NRBP1: variants seen among roughly 807,000 people sequenced by gnomAD.
NRBP1 encodes the protein nuclear receptor-binding protein.
A neutral mutation model predicts 76.0 loss-of-function variants in NRBP1; 10 were observed. The observed-to-expected ratio is 0.13, with a 90% CI of 0.08 to 0.22. NRBP1 has a LOEUF of 0.22. Among genes scored for constraint, NRBP1 ranks in the 10% least tolerant of loss-of-function variants. The probability of loss-of-function intolerance (pLI) is 1.00; values close to 1 mark genes in which losing one functional copy is unlikely to be tolerated. For missense variants in NRBP1, 344 were observed against 646.0 expected (o/e 0.53, Z 5.07); for synonymous variants, 235 against 240.2 (o/e 0.98, Z 0.20).
intron 10 of NRBP1, among the ~76,000 whole-genome samples, 183 bp downstream of exon 10, chr2:27,437,543 A>G (rs1488922396): frequency 3.3e-5 from 5 of 152,222 alleles, no homozygotes; most frequent in African/African-American, 1.2e-4. Flanking sequence ...ACACACAGGT[A>G]AGGGGGTTAA....
At chr2:27,435,055 C>A in intron 6 of NRBP1, 78 bp from the exon 7 acceptor site, 1 of 821,958 alleles carries the variant, frequency 1.2e-6, no homozygotes. Context: ...GAGACCTGGC[C>A]CTTGCTCCTC....
At chr2:27,435,385 T>G (rs1471140569) in intron 7 of NRBP1, among the ~76,000 whole-genome samples, 158 bp downstream of exon 7, 3 of 151,894 alleles carry the variant, frequency 2.0e-5, no homozygotes, top group Non-Finnish European at 4.4e-5. Context: ...GAGAGGCCAG[T>G]TAATTAGTGG....
At chr2:27,434,790 C>T in intron 6 of NRBP1, 28 bp downstream of exon 6, 3 of 1,609,464 alleles carry the variant, frequency 1.9e-6, no homozygotes, top group Non-Finnish European at 2.6e-6. Context: ...AGTTTCTTAC[C>T]CATATTTCCT....
rs1044515784 is a variant in NRBP1, at chr2:27,435,879, T to C, written c.661+652T>C. On this transcript the variant is annotated intron_variant, in intron 7 of 17. Transcript: ENST00000379852. Reference sequence around the variant, plus strand: ...CCCTGCCTAATTATGCCTGCTTAGCTTCTGCCCTGCCAGCCCTCCGCCTGC... The same window carrying C: ...CCCTGCCTAATTATGCCTGCTTAGCCTCTGCCCTGCCAGCCCTCCGCCTGC... 7.2e-6 allele frequency: 5 copies of C among 693,480 alleles called. No individual in the cohort carries two copies. The African/African-American group carries it at 8.8e-5, about 12-fold the overall frequency. The allele number at this position is 693,480 out of a possible 1,614,324, so 43.0% of individuals were successfully genotyped here.
chr2:27,441,399 G>A (rs906555075), intron 16 of NRBP1, 69 bp downstream of exon 16: 2 of 1,490,292 alleles, frequency 1.3e-6, no homozygotes, highest in African/African-American at 1.4e-5. Flanking sequence ...ATATTCAGGG[G>A]TGGGGGAGGT....
At chr2:27,438,217 A>G (rs1432976466) in intron 10 of NRBP1, among the ~76,000 whole-genome samples, 1 of 139,774 alleles carries the variant, frequency 7.2e-6, no homozygotes, top group Non-Finnish European at 1.5e-5. Context: ...ATGTGTCTAC[A>G]TGGAGGTAAA....
chr2:27,439,501 A>AT (rs1242927785), intron 10 of NRBP1, among the ~76,000 whole-genome samples: 3 of 152,056 alleles, frequency 2.0e-5, no homozygotes, highest in African/African-American at 7.2e-5. Context: ...AAAAAAAAAA[A>AT]AAATTGTGAA....
At chr2:27,431,027 G>T (rs529665380) in intron 1 of NRBP1, among the ~76,000 whole-genome samples, 1 of 152,310 alleles carries the variant, frequency 6.6e-6, no homozygotes, top group Non-Finnish European at 1.5e-5. Flanking sequence ...TAGGCTGGGT[G>T]TGGTGGCTCA....
rs983517487 is a variant in NRBP1 at position 27,442,200 on chromosome 2, T to G, written c.*388T>G. 9.6e-5 allele frequency: 52 copies of G among 539,188 alleles called. No individual in the cohort carries two copies. The highest frequency in any genetic ancestry group is 1.3e-4 in the Non-Finnish European group (40 of 311,190). 33.4% of individuals were successfully genotyped at this position (539,188 alleles called of 1,614,324 possible). ...AAAGGTGGTGCTGCAGTGGTGGCCC[T>G]GGGGGGCCATTCGATTCGCCTCAGT... On this transcript the variant is annotated 3_prime_UTR_variant, in exon 18 of 18. Coordinates refer to ENST00000379852, the MANE Select transcript of NRBP1 (RefSeq NM_013392.4).
chr2:27,431,527 T>A (rs1028810030), intron 1 of NRBP1: 2 of 151,990 alleles, frequency 1.3e-5, no homozygotes, highest in African/African-American at 4.8e-5. Flanking sequence ...ATCTGTTAAA[T>A]GAGTGAATGA....
chr2:27,436,577 A>T, intron 7 of NRBP1, 176 bp from the exon 8 acceptor site: 2 of 596,814 alleles, frequency 3.4e-6, no homozygotes, highest in Middle Eastern at 2.8e-4. Flanking sequence ...AAGGGGAGGT[A>T]GGTGGCATCC....
chr2:27,428,854 CAGT>C (rs1466716786), intron 1 of NRBP1, 123 bp downstream of exon 1: 6 of 397,574 alleles, frequency 1.5e-5, no homozygotes, highest in Non-Finnish European at 2.7e-5. Flanking sequence ...CCTGCTCACT[CAGT>C]AGCCCAGGCC....
intron 1 of NRBP1, among the ~76,000 whole-genome samples, chr2:27,430,970 C>G (rs1365746415): frequency 6.6e-6 from 1 of 152,134 alleles, no homozygotes; most frequent in East Asian, 1.9e-4. Context: ...AATACTTTTT[C>G]CTATAAAAGT....
At position 27,441,771 on chromosome 2, in the gene NRBP1, A is replaced by G. The variant is rs1025675347; in HGVS notation, c.1567A>G (p.Asn523Asp). The G allele has an allele frequency of 6.2e-7, 1 of 1,613,926 alleles. No homozygotes were observed. Among genetic ancestry groups the G allele is most frequent in the Non-Finnish European group, 8.5e-7 (1 of 1,179,886 alleles). ...ETLNKFNFAR[N>D]STLNSAAVTV... ...CTTGAACAAGTTCAATTTTGCCAGG[A>G]ACAGTACCCTCAACTCAGCCGCTGT... Residue 523 changes from asparagine (N) to aspartate (D), a missense_variant, in exon 18 of 18, where the codon AAC (asparagine) becomes GAC (aspartate). Physicochemically the swap from Asn to Asp is conservative, Grantham distance 23 (BLOSUM62 1). Around this residue, in one of 3 missense-constraint regions of NRBP1, gnomAD observed 218 missense variants for 309.8 expected, o/e 0.70. Transcript: ENST00000379852.
intron 10 of NRBP1, among the ~76,000 whole-genome samples, chr2:27,438,020 C>T (rs1362591952): frequency 6.6e-6 from 1 of 151,810 alleles, no homozygotes; most frequent in Non-Finnish European, 1.5e-5. Context: ...AACCCTGTCT[C>T]TACTAAAAAT....
intron 1 of NRBP1, among the ~76,000 whole-genome samples, chr2:27,430,525 G>A (rs921595757): frequency 2.8e-5 from 4 of 145,198 alleles, no homozygotes; most frequent in African/African-American, 1.0e-4. Flanking sequence ...CTGGAGTGCA[G>A]TGGCGCCATC....
At chr2:27,431,759 C>T (rs1664122443) in intron 1 of NRBP1, 1 of 152,440 alleles carries the variant, frequency 6.6e-6, no homozygotes, top group African/African-American at 2.4e-5. Context: ...GATAAGTTGG[C>T]TGAGGGTGCT....
At chr2:27,431,262 G>A (rs961664258) in intron 1 of NRBP1, among the ~76,000 whole-genome samples, 3 of 152,048 alleles carry the variant, frequency 2.0e-5, no homozygotes, top group Admixed American at 6.6e-5. Flanking sequence ...ATTGCACCAC[G>A]GCACTCCAGC....
chr2:27,441,290 G>T lies in NRBP1; in HGVS notation c.1407G>T (p.Glu469Asp). 1 of 1,614,150 alleles carries T rather than the reference G, an allele frequency of 6.2e-7. No homozygotes were observed. The highest frequency in any genetic ancestry group is 8.5e-7 in the Non-Finnish European group (1 of 1,180,026). ...AGCTGACACTTCTGCTGAAGTTGGA[G>T]GACAAACTGAACCGGCACCTGAGCT... ...KHHLTLLLKL[E>D]DKLNRHLSCD... The change falls in exon 16 of 18, where the codon GAG (glutamate) becomes GAT (aspartate). Residue 469 changes from glutamate (E) to aspartate (D), a missense_variant. Physicochemically the swap from Glu to Asp is conservative, Grantham distance 45. This residue lies in a region of NRBP1 where 218 missense variants were observed against 309.8 expected (regional missense o/e 0.70). Coordinates refer to ENST00000379852, the MANE Select transcript of NRBP1 (RefSeq NM_013392.4).
Sources: gnomAD v4.1 joint callset for allele counts (sites outside exome capture counted in the v4.1 genomes callset) on GRCh38, gnomAD v4.1.1 for gene constraint, gnomAD v4.1.1 regional missense constraint, MANE v1.5 for transcripts, NCBI Gene and HGNC (gene_info 2026-07-23, HGNC 2026-07-21) for gene names.